Variants in MYO16 observed in about 807,000 individuals in gnomAD.
MYO16 encodes the protein unconventional myosin-XVI.
Under a neutral mutation model 205.3 loss-of-function variants are expected in MYO16, and 94 were observed. The observed-to-expected ratio is 0.46, with a 90% CI of 0.39 to 0.54. The LOEUF (loss-of-function observed/expected upper bound fraction) is 0.54, where lower values mean the gene tolerates loss of function less well. Ranked by LOEUF, MYO16 falls within the 20% of genes least tolerant of loss-of-function variation. MYO16 has a pLI of 0.00. For missense variants in MYO16, 2,315 were observed against 2,387.5 expected (o/e 0.97, Z 0.63); for synonymous variants, 988 against 954.0 (o/e 1.04, Z -0.66).
At chr13:109,023,325 A>G (rs1220351817) in intron 23 of MYO16, among the ~76,000 whole-genome samples, 1 of 81,274 alleles carries the variant, frequency 1.2e-5, no homozygotes, top group Non-Finnish European at 2.1e-5. Flanking sequence ...TATATATTAT[A>G]CAGATATAAA....
chr13:108,939,397 G>A (rs951972948), intron 16 of MYO16, among the ~76,000 whole-genome samples: 28 of 152,170 alleles, frequency 1.8e-4, no homozygotes, highest in African/African-American at 6.3e-4. Flanking sequence ...CTGGGGCTTC[G>A]CTCACTTTTA....
chr13:109,146,611 G>A (rs78315710), intron 32 of MYO16, among the ~76,000 whole-genome samples: 2,531 of 151,908 alleles, frequency 0.017, 62 homozygotes, highest in African/African-American at 0.057. Context: ...AGCTAACCAG[G>A]CCTTGTCTCT....
At chr13:109,005,766 C>T (rs1885367065) in intron 21 of MYO16, among the ~76,000 whole-genome samples, 1 of 152,120 alleles carries the variant, frequency 6.6e-6, no homozygotes, top group African/African-American at 2.4e-5. Flanking sequence ...CCACCCAGTC[C>T]CACGCCACAC....
At chr13:108,783,861 C>T (rs192426685) in intron 4 of MYO16, among the ~76,000 whole-genome samples, 4 of 152,308 alleles carry the variant, frequency 2.6e-5, no homozygotes, top group Admixed American at 2.0e-4. Flanking sequence ...GCTTGTGAAA[C>T]TGTGAGTCCA....
At chr13:108,892,541 G>A (rs1042743908) in intron 14 of MYO16, among the ~76,000 whole-genome samples, 33 of 152,194 alleles carry the variant, frequency 2.2e-4, no homozygotes, top group South Asian at 8.3e-4. Context: ...GCACCTGGCC[G>A]GTCAAAATAA....
chr13:108,787,086 AC>A (rs535745158), intron 5 of MYO16, among the ~76,000 whole-genome samples: 33 of 152,332 alleles, frequency 2.2e-4, no homozygotes, highest in Non-Finnish European at 4.6e-4. Flanking sequence ...AGTTAATGAT[AC>A]TGTATTGCAT....
chr13:108,761,797 G>C (rs1439157483), intron 4 of MYO16, among the ~76,000 whole-genome samples: 2 of 152,068 alleles, frequency 1.3e-5, no homozygotes, highest in Non-Finnish European at 2.9e-5. Context: ...CCTTTTGCTG[G>C]TTGATACTGA....
intron 27 of MYO16, 115 bp from the exon 28 acceptor site, chr13:109,100,670 A>G: frequency 4.1e-6 from 3 of 737,440 alleles, no homozygotes; most frequent in Non-Finnish European, 6.9e-6. Context: ...TGTTCCTGGG[A>G]TAAAGAAAGA....
intron 21 of MYO16, among the ~76,000 whole-genome samples, chr13:108,997,204 T>A (rs1001890975): frequency 2.0e-5 from 3 of 151,724 alleles, no homozygotes; most frequent in Non-Finnish European, 4.4e-5. Context: ...GACATGAATA[T>A]CGTTTAAACC....
intron 11 of MYO16, among the ~76,000 whole-genome samples, chr13:108,863,945 T>G (rs367791217): frequency 1.3e-5 from 2 of 152,112 alleles, no homozygotes; most frequent in East Asian, 1.9e-4. Flanking sequence ...GACCTTAATT[T>G]CTAAATTTAG....
chr13:108,680,158 T>G (rs1882402586), intron 2 of MYO16, among the ~76,000 whole-genome samples: 1 of 152,162 alleles, frequency 6.6e-6, no homozygotes, highest in African/African-American at 2.4e-5. Flanking sequence ...ATCAGGGCAT[T>G]GAATATTTGC....
chr13:109,095,936 T>G (rs1433540700), intron 27 of MYO16, among the ~76,000 whole-genome samples: 1 of 152,222 alleles, frequency 6.6e-6, no homozygotes, highest in Non-Finnish European at 1.5e-5. Context: ...AGGGTAAATC[T>G]TATCCTTTTC....
At chr13:108,653,741 G>C (rs1372902697) in intron 1 of MYO16, among the ~76,000 whole-genome samples, 10 of 150,970 alleles carry the variant, frequency 6.6e-5, no homozygotes, top group Non-Finnish European at 4.4e-5. Context: ...AAATGGAAGA[G>C]GATATATATG....
chr13:108,866,631 G>A (rs1325173925), intron 12 of MYO16, among the ~76,000 whole-genome samples: 2 of 152,160 alleles, frequency 1.3e-5, no homozygotes, highest in Non-Finnish European at 2.9e-5. Context: ...ATAAAAAAGG[G>A]TAATATTGCA....
At chr13:108,791,353 A>G (rs917468242) in intron 5 of MYO16, among the ~76,000 whole-genome samples, 2 of 152,250 alleles carry the variant, frequency 1.3e-5, no homozygotes, top group African/African-American at 4.8e-5. Flanking sequence ...ATGACCAAAT[A>G]ATAGTATATG....
intron 1 of MYO16, among the ~76,000 whole-genome samples, chr13:108,638,575 G>A (rs1012993330): frequency 2.6e-5 from 4 of 151,700 alleles, no homozygotes; most frequent in South Asian, 2.1e-4. Flanking sequence ...TTAACCTCTC[G>A]CTGCTTGCTT....
At chr13:109,024,656 A>G (rs1886303478) in intron 23 of MYO16, among the ~76,000 whole-genome samples, 2 of 152,166 alleles carry the variant, frequency 1.3e-5, no homozygotes, top group South Asian at 4.1e-4. Flanking sequence ...CCCTGTGGAA[A>G]CATGAATGTT....
intron 1 of MYO16, among the ~76,000 whole-genome samples, chr13:108,624,192 A>G (rs1438813764): frequency 2.0e-5 from 3 of 152,202 alleles, no homozygotes; most frequent in South Asian, 2.1e-4. Flanking sequence ...TAGATCATCA[A>G]AAAACTTTCA....
chr13:108,766,530 G>A (rs992244441), intron 4 of MYO16, among the ~76,000 whole-genome samples: 2 of 152,136 alleles, frequency 1.3e-5, no homozygotes, highest in Admixed American at 1.3e-4. Flanking sequence ...TTAAATTTCA[G>A]AGCAAGGGGG....
Sources: gnomAD v4.1 joint callset for allele counts (sites outside exome capture counted in the v4.1 genomes callset) on GRCh38, gnomAD v4.1.1 for gene constraint, MANE v1.5 for transcripts, NCBI Gene and HGNC (gene_info 2026-07-23, HGNC 2026-07-21) for gene names.